Variants in SS18L2 observed in about 807,000 individuals in gnomAD.
The protein encoded by SS18L2 is SS18-like protein 2.
Under a neutral mutation model 10.3 loss-of-function variants are expected in SS18L2, and 8 were observed. The observed-to-expected ratio is 0.78, with a 90% CI of 0.46 to 1.41. The LOEUF is 1.41. SS18L2 is among the 40% of genes most tolerant of loss of function. The pLI, the probability that SS18L2 is intolerant of heterozygous loss-of-function variation, is 0.00. For missense variants in SS18L2, 100 were observed against 96.2 expected, an observed-to-expected ratio of 1.04 and a Z score of -0.17; for synonymous variants, 41 against 34.6, an observed-to-expected ratio of 1.19 and a Z score of -0.65.
Position 42,596,889 on chromosome 3 carries a change from G to C in SS18L2, c.*2380G>C, listed in dbSNP as rs1436564158. 6.6e-6 allele frequency among the ~76,000 whole-genome samples: 1 copy of C among 152,188 alleles called. No individual in the cohort carries two copies. Among genetic ancestry groups the C allele is most frequent in the East Asian group, 1.9e-4 (1 of 5,192 alleles). ...AAGAATGAATTCTAGGTTTAAAGTT[G>C]TTTAAGTATATCCCAAATTAAATAT... On this transcript the variant is annotated 3_prime_UTR_variant, in exon 3 of 3. Transcript: ENST00000011691.
chr3:42,591,085 C>T (rs1704817355), intron 1 of SS18L2, 119 bp downstream of exon 1: 1 of 1,173,358 alleles, frequency 8.5e-7, no homozygotes, highest in African/African-American at 1.5e-5. Context: ...GGGTGCTGAG[C>T]AGCCGGGGTG....
Position 42,595,157 on chromosome 3 carries a change from AGAT to A in SS18L2, c.*653_*655del, listed in dbSNP as rs1171193044. 1 of 152,268 alleles carries A rather than the reference AGAT, an allele frequency of 6.6e-6. No individual in the cohort carries two copies. The highest frequency in any genetic ancestry group is 2.4e-5 in the African/African-American group (1 of 41,478). The allele number at this position is 152,268 out of a possible 1,614,324, so 9.4% of individuals were successfully genotyped here. ...TTATTATCTAATATCATCTGATAATAGATGATGTTTAATTTTCTTCAGTTATCA... is the reference window on the plus strand; with the variant it reads ...TTATTATCTAATATCATCTGATAATAGATGTTTAATTTTCTTCAGTTATCA... On this transcript the variant is annotated 3_prime_UTR_variant, in exon 3 of 3. Transcript: ENST00000011691.
intron 1 of SS18L2, among the ~76,000 whole-genome samples, chr3:42,582,887 T>A (rs952783279): frequency 1.3e-5 from 2 of 152,222 alleles, no homozygotes; most frequent in African/African-American, 4.8e-5. Context: ...AAGTTAGTGC[T>A]TAATAGGTAC....
At chr3:42,589,400 C>T (rs533036449), upstream of SS18L2, among the ~76,000 whole-genome samples, 4 of 152,322 alleles carry the variant, frequency 2.6e-5, no homozygotes, top group South Asian at 8.3e-4. Flanking sequence ...GGGAATAAAG[C>T]TCTAGGGACC....
chr3:42,591,856 C>T (rs566525334), intron 2 of SS18L2, among the ~76,000 whole-genome samples: 5 of 152,186 alleles, frequency 3.3e-5, no homozygotes, highest in Admixed American at 6.5e-5. Flanking sequence ...TCACTCAAAG[C>T]TATGCCGGCT....
chr3:42,585,777 A>G (rs1198829346), intron 1 of SS18L2, among the ~76,000 whole-genome samples: 1 of 152,230 alleles, frequency 6.6e-6, no homozygotes, highest in African/African-American at 2.4e-5. Flanking sequence ...GCTGCTGGAC[A>G]AAATCTCACA....
intron 2 of SS18L2, among the ~76,000 whole-genome samples, chr3:42,593,239 C>T (rs1397234119): frequency 6.6e-6 from 1 of 151,978 alleles, no homozygotes; most frequent in African/African-American, 2.4e-5. Flanking sequence ...ATGGCAAAAC[C>T]CCATCTCTAC....
At chr3:42,590,827 C>G, upstream of SS18L2, 1 of 1,525,874 alleles carries the variant, frequency 6.6e-7, no homozygotes, top group Non-Finnish European at 9.1e-7. Flanking sequence ...ATCCAATCAA[C>G]TTCGAGAGCG....
Position 42,590,978 on chromosome 3 carries a change from C to CGCGGGCGG in SS18L2, c.69+25_69+32dup, listed in dbSNP as rs149010198. On this transcript the variant is annotated intron_variant, in intron 1 of 2. Coordinates refer to ENST00000011691, the MANE Select transcript of SS18L2 (RefSeq NM_001370300.1). ...AGACTATCCAGCGGGTGAGCATCCA[C>CGCGGGCGG]GCGGGCGGGCGGGCGGGCGGAGAGA... 46 of 331,112 alleles carry CGCGGGCGG rather than the reference C, an allele frequency of 1.4e-4. No individual in the cohort carries two copies. Among genetic ancestry groups the CGCGGGCGG allele is most frequent in the Admixed American group, 2.6e-4 (7 of 27,286 alleles). 20.5% of individuals were successfully genotyped at this position (331,112 alleles called of 1,614,324 possible).
chr3:42,582,651 A>G (rs779940003), intron 1 of SS18L2, among the ~76,000 whole-genome samples: 19 of 152,248 alleles, frequency 1.2e-4, no homozygotes, highest in Non-Finnish European at 2.4e-4. Context: ...CCCTTCAAAC[A>G]ATCAAACACC....
chr3:42,592,159 C>CT (rs896621293), intron 2 of SS18L2, among the ~76,000 whole-genome samples: 1 of 152,086 alleles, frequency 6.6e-6, no homozygotes, highest in African/African-American at 2.4e-5. Flanking sequence ...GTCTGAGTCT[C>CT]TTTTCCGAAT....
At chr3:42,589,766 A>G (rs983049151), upstream of SS18L2, among the ~76,000 whole-genome samples, 5 of 152,196 alleles carry the variant, frequency 3.3e-5, no homozygotes, top group Non-Finnish European at 7.4e-5. Context: ...ACCTCCGTGG[A>G]AGACAAGAAA....
intron 1 of SS18L2, chr3:42,582,151 G>GC (rs1164648806): frequency 2.0e-5 from 3 of 152,252 alleles, no homozygotes; most frequent in African/African-American, 7.2e-5. Context: ...GTGTGACGGG[G>GC]GCGCGCGCCT....
At chr3:42,593,034 T>TA (rs372776586) in intron 2 of SS18L2, among the ~76,000 whole-genome samples, 9 of 151,808 alleles carry the variant, frequency 5.9e-5, no homozygotes, top group East Asian at 5.8e-4. Flanking sequence ...AACACAACAA[T>TA]AAAAAAAATA....
chr3:42,581,882 C>A (rs887407575), exon 1 of SS18L2: 5 of 152,390 alleles, frequency 3.3e-5, no homozygotes, highest in African/African-American at 4.8e-5. Flanking sequence ...TCGGCGCCTG[C>A]CAGCTACCCG....
At position 42,595,996 on chromosome 3, in the gene SS18L2, TTTC is replaced by T. The variant is rs1180291314; in HGVS notation, c.*1493_*1495del. On this transcript the variant is annotated 3_prime_UTR_variant, in exon 3 of 3. Coordinates refer to ENST00000011691, the MANE Select transcript of SS18L2 (RefSeq NM_001370300.1). ...GGGCTCTGGCTCTTTCTTTTTTCTT[TTTC>T]TTCTTTTTTTTGGTTTTGTTTTGTT... Among the ~76,000 whole-genome samples, 2 of 152,156 alleles carry T rather than the reference TTTC, an allele frequency of 1.3e-5. No individual in the cohort carries two copies. The highest frequency in any genetic ancestry group is 1.9e-4 in the East Asian group (1 of 5,198).
At chr3:42,590,366 T>G (rs1417229160), upstream of SS18L2, among the ~76,000 whole-genome samples, 1 of 151,888 alleles carries the variant, frequency 6.6e-6, no homozygotes, top group African/African-American at 2.4e-5. Flanking sequence ...GCAGATAGAT[T>G]GAGTATGCAC....
chr3:42,586,585 TA>T (rs35415799), upstream of SS18L2, among the ~76,000 whole-genome samples: 804 of 139,594 alleles, frequency 5.8e-3, 2 homozygotes, highest in African/African-American at 0.01. Context: ...AGTCACTGTT[TA>T]AAAAAAAAAA....
chr3:42,592,615 T>C (rs1704888578), intron 2 of SS18L2, among the ~76,000 whole-genome samples: 1 of 152,242 alleles, frequency 6.6e-6, no homozygotes, highest in Admixed American at 6.5e-5. Context: ...CTTAATAGAA[T>C]AGTAGAGATA....
Sources: gnomAD v4.1 joint callset for allele counts (sites outside exome capture counted in the v4.1 genomes callset) on GRCh38, gnomAD v4.1.1 for gene constraint, MANE v1.5 for transcripts, NCBI Gene and HGNC (gene_info 2026-07-23, HGNC 2026-07-21) for gene names.